SLIT3: variants seen among roughly 807,000 people sequenced by gnomAD.
SLIT3 encodes slit homolog 3 protein.
In SLIT3, 68 loss-of-function variants were observed where a neutral mutation model predicts 184.0. That is an observed-to-expected ratio of 0.37 (90% CI 0.30 to 0.45). SLIT3 has a LOEUF of 0.45. SLIT3 is among the 20% of genes least tolerant of loss of function. The probability of loss-of-function intolerance (pLI) is 1.00; values close to 1 mark genes in which losing one functional copy is unlikely to be tolerated. For synonymous variants in SLIT3, 831 were observed against 828.6 expected, an observed-to-expected ratio of 1.00 and a Z score of -0.05; for missense variants, 1,707 against 2,026.0, an observed-to-expected ratio of 0.84 and a Z score of 3.02.
intron 1 of SLIT3, among the ~76,000 whole-genome samples, chr5:169,255,668 G>T (rs1765932133): frequency 6.6e-6 from 1 of 152,180 alleles, no homozygotes; most frequent in Non-Finnish European, 1.5e-5. Context: ...CGGATCACAA[G>T]GTCAAGAGAT....
intron 28 of SLIT3, among the ~76,000 whole-genome samples, chr5:168,694,609 TTA>T (rs772640069): frequency 1.3e-3 from 204 of 152,032 alleles, no homozygotes; most frequent in South Asian, 2.1e-3. Context: ...CTCTCTTTCT[TTA>T]TCTCTCTCTC....
At chr5:169,195,847 C>T (rs1051030602) in intron 3 of SLIT3, among the ~76,000 whole-genome samples, 1 of 151,978 alleles carries the variant, frequency 6.6e-6, no homozygotes, top group African/African-American at 2.4e-5. Context: ...GACTCTTACC[C>T]CAGTGCTTTT....
chr5:168,949,466 CAGAG>C (rs1762580080), intron 4 of SLIT3, among the ~76,000 whole-genome samples: 1 of 152,172 alleles, frequency 6.6e-6, no homozygotes, highest in African/African-American at 2.4e-5. Flanking sequence ...GCCTATCCTC[CAGAG>C]AAAGATTCCT....
chr5:169,076,917 A>G (rs1363811465), intron 4 of SLIT3, among the ~76,000 whole-genome samples: 1 of 152,056 alleles, frequency 6.6e-6, no homozygotes, highest in East Asian at 1.9e-4. Context: ...TACAACTCTC[A>G]CACACACAAA....
At chr5:169,095,865 C>T (rs978554486) in intron 4 of SLIT3, among the ~76,000 whole-genome samples, 3 of 152,224 alleles carry the variant, frequency 2.0e-5, no homozygotes, top group African/African-American at 7.2e-5. Context: ...AAGTATCTTA[C>T]ATTTTACAAA....
intron 4 of SLIT3, among the ~76,000 whole-genome samples, chr5:168,943,764 C>G (rs1483099913): frequency 1.3e-5 from 2 of 152,136 alleles, no homozygotes; most frequent in African/African-American, 4.8e-5. Context: ...TGTCTCAGAT[C>G]CATTTTGATC....
chr5:169,108,048 A>G (rs1302276330), intron 4 of SLIT3, among the ~76,000 whole-genome samples: 1 of 152,186 alleles, frequency 6.6e-6, no homozygotes, highest in Non-Finnish European at 1.5e-5. Flanking sequence ...TCTTTCCCCC[A>G]GCAGACCAGA....
intron 5 of SLIT3, among the ~76,000 whole-genome samples, chr5:168,874,187 C>G (rs12109683): frequency 0.042 from 6,360 of 152,158 alleles, 404 homozygotes; most frequent in African/African-American, 0.14. Flanking sequence ...AATTCGTCCA[C>G]AAATCAAATT....
chr5:169,232,016 T>C lies in SLIT3; in HGVS notation c.341+12689A>G, dbSNP rs575646120. ...TTTTCTACTGAGTCATTTGTCTTTT[T>C]CTTATTGATTTGTAGGAGTTCTTCT... On this transcript the variant is annotated intron_variant, in intron 3 of 35. Coordinates refer to ENST00000519560, the MANE Select transcript of SLIT3 (RefSeq NM_003062.4). 2.0e-5 allele frequency among the ~76,000 whole-genome samples: 3 copies of C among 152,360 alleles called. No individual in the cohort carries two copies. The South Asian group carries it at 6.2e-4, about 32-fold the overall frequency.
At chr5:169,079,584 GGGGAGGAGGAGGA>G (rs1202282372) in intron 4 of SLIT3, among the ~76,000 whole-genome samples, 5 of 129,936 alleles carry the variant, frequency 3.8e-5, no homozygotes, top group African/African-American at 1.5e-4. Context: ...GAGGAGAGAA[GGGGAGGAGGAGGA>G]GGGAGGAGGA....
intron 1 of SLIT3, among the ~76,000 whole-genome samples, chr5:169,288,787 G>A (rs1383281026): frequency 2.0e-5 from 3 of 152,106 alleles, no homozygotes; most frequent in South Asian, 2.1e-4. Context: ...TGACATGGCT[G>A]GTATGAGGTT....
intron 3 of SLIT3, among the ~76,000 whole-genome samples, chr5:169,220,238 C>T (rs1002017635): frequency 4.0e-5 from 6 of 151,072 alleles, no homozygotes; most frequent in Admixed American, 3.3e-4. Flanking sequence ...GATCCTCAGG[C>T]AGAGAGAAGA....
In SLIT3 at chr5:169,300,462, T is replaced by A; in HGVS notation, c.197+51A>T. 7.1e-7 allele frequency: 1 copy of A among 1,400,794 alleles called. No individual in the cohort carries two copies. The highest frequency in any genetic ancestry group is 9.3e-7 in the Non-Finnish European group (1 of 1,079,238). The allele number at this position is 1,400,794 out of a possible 1,614,324, so 86.8% of individuals were successfully genotyped here. A position where few individuals can be genotyped will look rare whatever the true frequency, so the allele number is the denominator to read the frequency against. ...GACGGATCTGGCGCCTGGGGCCCCC[T>A]CGGTGGGACCCAGGTGGGTGGCCCG... On this transcript the variant is annotated intron_variant, in intron 1 of 35. Transcript: ENST00000519560. The surrounding 1 kb of genome is among the most constrained non-coding windows in gnomAD (Gnocchi z 4.1).
At chr5:168,917,803 TTCTTTTTTCCC>T (rs1761492006) in intron 4 of SLIT3, among the ~76,000 whole-genome samples, 2 of 152,244 alleles carry the variant, frequency 1.3e-5, no homozygotes, top group African/African-American at 4.8e-5. Context: ...TATTGTGTGA[TTCTTTTTTCCC>T]CAGGCTGAAA....
At chr5:169,207,415 ACG>A (rs1491109269) in intron 3 of SLIT3, among the ~76,000 whole-genome samples, 4 of 145,124 alleles carry the variant, frequency 2.8e-5, no homozygotes, top group African/African-American at 1.0e-4. Flanking sequence ...ACACACACAC[ACG>A]GCACCAAGTC....
chr5:168,805,456 AATG>A (rs1035870938), intron 9 of SLIT3, among the ~76,000 whole-genome samples: 1 of 152,168 alleles, frequency 6.6e-6, no homozygotes, highest in African/African-American at 2.4e-5. Context: ...GGCTCCATAT[AATG>A]ATCTTTTTAA....
intron 4 of SLIT3, among the ~76,000 whole-genome samples, chr5:168,959,364 T>G (rs1326466977): frequency 6.6e-6 from 1 of 152,148 alleles, no homozygotes; most frequent in Non-Finnish European, 1.5e-5. Flanking sequence ...CAAAGCCAGA[T>G]GGAGCTCATC....
At chr5:169,294,096 T>G (rs1027092125) in intron 1 of SLIT3, among the ~76,000 whole-genome samples, 1 of 152,184 alleles carries the variant, frequency 6.6e-6, no homozygotes, top group African/African-American at 2.4e-5. Flanking sequence ...CCCCTTGTTT[T>G]TCCTTTCTTT....
chr5:168,871,962 C>G (rs1489799143), intron 5 of SLIT3, among the ~76,000 whole-genome samples: 1 of 152,166 alleles, frequency 6.6e-6, no homozygotes, highest in Non-Finnish European at 1.5e-5. Flanking sequence ...GGAAGCACAG[C>G]TACGGGAATG....
Sources: allele counts gnomAD v4.1 joint callset (sites outside exome capture counted in the v4.1 genomes callset), GRCh38; gene constraint gnomAD v4.1.1; non-coding constraint Gnocchi (gnomAD v3.1); transcripts MANE v1.5; gene names NCBI Gene and HGNC (gene_info 2026-07-23, HGNC 2026-07-21).